Variants in NTRK3 observed in about 807,000 individuals in gnomAD.
NTRK3 encodes the protein neurotrophic receptor tyrosine kinase 3, also known as NT-3 growth factor receptor.
Under a neutral mutation model 91.7 loss-of-function variants are expected in NTRK3, and 24 were observed. The ratio of observed to expected loss-of-function variants is 0.26; its 90% CI spans 0.19 to 0.37. The LOEUF is 0.37. Among genes scored for constraint, NTRK3 ranks in the 10% least tolerant of loss-of-function variants. The probability of loss-of-function intolerance (pLI) is 1.00; values close to 1 mark genes in which losing one functional copy is unlikely to be tolerated. For synonymous variants in NTRK3, 483 were observed against 404.0 expected, an observed-to-expected ratio of 1.20 and a Z score of -2.34; for missense variants, 880 against 1,068.9, an observed-to-expected ratio of 0.82 and a Z score of 2.46.
rs986517723 is a variant in NTRK3, at chr15:88,235,387, A to G, written c.248+20519T>C. On this transcript the variant is annotated intron_variant, in intron 3 of 18. Coordinates refer to ENST00000394480, the Ensembl canonical transcript of NTRK3. This position sits in a 1 kb window ranked among gnomAD's most constrained non-coding sequence, Gnocchi z 5.2. Reference sequence around the variant, plus strand: ...ACCCTGCCGCAGACAGTGGACACTCACTGGTCTCGGCCTTCCCGGAACCCA... The same window carrying G: ...ACCCTGCCGCAGACAGTGGACACTCGCTGGTCTCGGCCTTCCCGGAACCCA... 1.3e-5 allele frequency among the ~76,000 whole-genome samples: 2 copies of G among 152,140 alleles called. No homozygotes were observed. Among genetic ancestry groups the G allele is most frequent in the East Asian group, 3.9e-4 (2 of 5,180 alleles).
intron 5 of NTRK3, among the ~76,000 whole-genome samples, chr15:88,161,035 C>T (rs781047564): frequency 9.9e-5 from 15 of 152,144 alleles, no homozygotes; most frequent in Non-Finnish European, 1.6e-4. Flanking sequence ...ATGTCAAATG[C>T]CCAACACAGT....
chr15:87,874,038 C>T, exon 19 of NTRK3: 1 of 228,354 alleles, frequency 4.4e-6, no homozygotes, highest in Non-Finnish European at 8.7e-6. Context: ...GCAGGTGTAC[C>T]CCTTATTCTG....
intron 5 of NTRK3, among the ~76,000 whole-genome samples, chr15:88,176,132 C>CTTTTTTTTT (rs1567586337): frequency 7.3e-6 from 1 of 136,272 alleles, no homozygotes. Flanking sequence ...CCTATATGCC[C>CTTTTTTTTT]CTTCTTTTTT....
intron 13 of NTRK3, among the ~76,000 whole-genome samples, chr15:88,085,267 G>A (rs2048393998): frequency 6.6e-6 from 1 of 152,174 alleles, no homozygotes; most frequent in Admixed American, 6.5e-5. Context: ...AGTAATAGAT[G>A]GGATGATTGT....
intron 3 of NTRK3, among the ~76,000 whole-genome samples, chr15:88,231,400 A>C (rs2051166392): frequency 6.6e-6 from 1 of 151,780 alleles, no homozygotes; most frequent in Admixed American, 6.6e-5. Context: ...CTCTTCCTCA[A>C]TCTGTGTCAC....
intron 6 of NTRK3, among the ~76,000 whole-genome samples, chr15:88,146,060 A>G (rs1330155598): frequency 6.6e-6 from 1 of 152,210 alleles, no homozygotes; most frequent in East Asian, 1.9e-4. Flanking sequence ...AGGAATTGCC[A>G]TAAGGATTAA....
At chr15:88,069,907 G>C (rs1184200136) in intron 13 of NTRK3, among the ~76,000 whole-genome samples, 1 of 152,182 alleles carries the variant, frequency 6.6e-6, no homozygotes, top group African/African-American at 2.4e-5. Context: ...CACTTGGAAA[G>C]TCAGAACTCA....
intron 13 of NTRK3, among the ~76,000 whole-genome samples, chr15:88,071,786 C>T (rs2150547296): frequency 6.6e-6 from 1 of 152,282 alleles, no homozygotes; most frequent in Non-Finnish European, 1.5e-5. Context: ...AGGACCACAA[C>T]TGTGCCAGAA....
At chr15:88,163,410 A>G (rs1056873937) in intron 5 of NTRK3, among the ~76,000 whole-genome samples, 1 of 152,150 alleles carries the variant, frequency 6.6e-6, no homozygotes, top group African/African-American at 2.4e-5. Flanking sequence ...CTCCTCTGAG[A>G]AGCCTTCCCT....
At chr15:88,105,917 T>A (rs549843416) in intron 13 of NTRK3, among the ~76,000 whole-genome samples, 1 of 152,350 alleles carries the variant, frequency 6.6e-6, no homozygotes, top group South Asian at 2.1e-4. Flanking sequence ...AAAGTTTAAG[T>A]GACTCACCCA....
intron 18 of NTRK3, among the ~76,000 whole-genome samples, chr15:87,878,810 C>T (rs971682827): frequency 6.6e-6 from 1 of 152,122 alleles, no homozygotes; most frequent in Non-Finnish European, 1.5e-5. Context: ...AGAACAGATG[C>T]TGAGTCTTCT....
At chr15:88,060,657 G>A (rs2046136114) in intron 13 of NTRK3, among the ~76,000 whole-genome samples, 1 of 152,136 alleles carries the variant, frequency 6.6e-6, no homozygotes, top group Non-Finnish European at 1.5e-5. Flanking sequence ...ACTGAGCACG[G>A]GGGAACAGCA....
At position 88,006,798 on chromosome 15, in the gene NTRK3, GACAT is replaced by G. The variant is rs2076524651; in HGVS notation, c.1585+26055_1585+26058del. ...CAGCTGGGCTTCCAAATGCACACAT[GACAT>G]ACAGACTCACACATGCACAGCCCAT... On this transcript the variant is annotated intron_variant, in intron 14 of 18. Transcript: ENST00000394480. Among the ~76,000 whole-genome samples, 3 of 152,284 alleles carry G rather than the reference GACAT, an allele frequency of 2.0e-5. No homozygotes were observed. The South Asian group carries it at 6.2e-4, about 32-fold the overall frequency.
intron 14 of NTRK3, among the ~76,000 whole-genome samples, chr15:87,975,406 T>G (rs2073637087): frequency 6.6e-6 from 1 of 152,174 alleles, no homozygotes; most frequent in Non-Finnish European, 1.5e-5. Flanking sequence ...CTGAGTCAGC[T>G]GTCAATCTGT....
At chr15:88,111,029 G>C (rs1193542659) in intron 13 of NTRK3, among the ~76,000 whole-genome samples, 1 of 152,206 alleles carries the variant, frequency 6.6e-6, no homozygotes, top group Non-Finnish European at 1.5e-5. Flanking sequence ...GAGGGGTAAA[G>C]AGATGGGGAC....
chr15:87,913,725 G>A (rs1418458135), intron 17 of NTRK3, among the ~76,000 whole-genome samples: 1 of 152,226 alleles, frequency 6.6e-6, no homozygotes, highest in Non-Finnish European at 1.5e-5. Context: ...CTGTAATAAA[G>A]TGGCTCCCAA....
At chr15:88,092,318 G>C (rs906462066) in intron 13 of NTRK3, among the ~76,000 whole-genome samples, 4 of 152,178 alleles carry the variant, frequency 2.6e-5, no homozygotes, top group African/African-American at 9.6e-5. Context: ...GGCTCCGACT[G>C]CATGGCCACA....
chr15:87,888,358 T>G (rs1191727219), intron 17 of NTRK3, among the ~76,000 whole-genome samples: 2 of 152,086 alleles, frequency 1.3e-5, no homozygotes, highest in African/African-American at 4.8e-5. Flanking sequence ...AGAGACCAGA[T>G]GGGTTCTGAA....
chr15:87,999,341 T>A (rs1394209527), intron 14 of NTRK3, among the ~76,000 whole-genome samples: 1 of 152,196 alleles, frequency 6.6e-6, no homozygotes, highest in African/African-American at 2.4e-5. Flanking sequence ...CAGAGCCAGA[T>A]CTCTAAGGTC....
Sources: gnomAD v4.1 joint callset for allele counts (sites outside exome capture counted in the v4.1 genomes callset) on GRCh38, gnomAD v4.1.1 for gene constraint, Gnocchi (gnomAD v3.1) non-coding constraint, MANE v1.5 for transcripts, NCBI Gene and HGNC (gene_info 2026-07-23, HGNC 2026-07-21) for gene names.